C13orf42: variants seen among roughly 807,000 people sequenced by gnomAD.
The protein encoded by C13orf42 is uncharacterized protein C13orf42.
chr13:51,153,190 G>C (rs567688954), intron 1 of C13orf42, among the ~76,000 whole-genome samples: 28 of 152,250 alleles, frequency 1.8e-4, no homozygotes, highest in Admixed American at 1.7e-3. Flanking sequence ...CCCTAGCAAG[G>C]GTTCTTCAAC....
At chr13:51,098,819 C>T (rs775318470) in intron 1 of C13orf42, among the ~76,000 whole-genome samples, 8 of 151,786 alleles carry the variant, frequency 5.3e-5, no homozygotes, top group African/African-American at 1.7e-4. Context: ...GTATGAACAT[C>T]GAGCATCTAT....
chr13:51,119,082 A>C (rs565925797), intron 1 of C13orf42, among the ~76,000 whole-genome samples: 1 of 150,880 alleles, frequency 6.6e-6, no homozygotes, highest in South Asian at 2.1e-4. Flanking sequence ...TGGTGTGCCC[A>C]GGTGTATGGC....
chr13:51,111,893 C>T (rs562300805), upstream of C13orf42, among the ~76,000 whole-genome samples: 3 of 149,592 alleles, frequency 2.0e-5, no homozygotes, highest in South Asian at 4.3e-4. Flanking sequence ...CGGTAATGGA[C>T]CTCACAGCCG....
rs1593537752 is a variant in C13orf42 at position 51,110,966 on chromosome 13, T to G, written c.244A>C (p.Thr82Pro). 1 of 398,640 alleles carries G rather than the reference T, an allele frequency of 2.5e-6. No individual in the cohort carries two copies. The highest frequency in any genetic ancestry group is 4.4e-6 in the Non-Finnish European group (1 of 226,098). The allele number at this position is 398,640 out of a possible 1,614,324, so 24.7% of individuals were successfully genotyped here. ...EEDRAWMYSR[T>P]QDCLQYLQEL... Reference sequence around the variant, plus strand: ...TGCAGGTACTGCAGGCAGTCCTGGGTGCGCGAATACATCCACGCCCGGTCC... The same window carrying G: ...TGCAGGTACTGCAGGCAGTCCTGGGGGCGCGAATACATCCACGCCCGGTCC... The change falls in exon 1 of 4, where the codon ACC becomes CCC. Residue 82 changes from threonine to proline, a missense_variant. By Grantham distance (38) the Thr-to-Pro change is conservative (BLOSUM62 -1). Coordinates refer to ENST00000563710, the MANE Select transcript of C13orf42 (RefSeq NM_001351589.3).
intron 1 of C13orf42, among the ~76,000 whole-genome samples, chr13:51,168,761 G>A (rs1238731013): frequency 6.6e-6 from 1 of 152,192 alleles, no homozygotes; most frequent in Non-Finnish European, 1.5e-5. Context: ...GGTCAGGTGG[G>A]AGGTGATTGG....
chr13:51,125,237 T>C (rs576260948), intron 1 of C13orf42, among the ~76,000 whole-genome samples: 3 of 152,320 alleles, frequency 2.0e-5, no homozygotes, highest in Admixed American at 6.5e-5. Flanking sequence ...TGCAGGAAGA[T>C]TGGCAAACGT....
intron 1 of C13orf42, among the ~76,000 whole-genome samples, chr13:51,106,899 C>T (rs937062590): frequency 2.6e-5 from 4 of 152,222 alleles, no homozygotes; most frequent in Non-Finnish European, 4.4e-5. Context: ...AACACTGACA[C>T]AAAAACCCTC....
chr13:51,115,881 G>A (rs1440020614), upstream of C13orf42, among the ~76,000 whole-genome samples: 1 of 152,112 alleles, frequency 6.6e-6, no homozygotes, highest in Admixed American at 6.5e-5. Flanking sequence ...ATTTTCCCTG[G>A]AGACCAGCTT....
chr13:51,090,817 CTTG>C (rs1953173896), intron 1 of C13orf42, among the ~76,000 whole-genome samples: 2 of 152,238 alleles, frequency 1.3e-5, no homozygotes, highest in East Asian at 3.9e-4. Context: ...TGAATGTTGT[CTTG>C]TTGTGAATCT....
intron 1 of C13orf42, among the ~76,000 whole-genome samples, chr13:51,138,118 C>T (rs981997533): frequency 6.6e-6 from 1 of 152,142 alleles, no homozygotes; most frequent in African/African-American, 2.4e-5. Context: ...GAGGGCAGGC[C>T]CTGGCGAGGA....
intron 1 of C13orf42, among the ~76,000 whole-genome samples, chr13:51,130,035 G>A (rs1953604692): frequency 6.6e-6 from 1 of 152,152 alleles, no homozygotes; most frequent in Non-Finnish European, 1.5e-5. Context: ...CTGTGTATTT[G>A]TATGTGTTGT....
intron 1 of C13orf42, among the ~76,000 whole-genome samples, chr13:51,103,273 G>C (rs1462525310): frequency 1.3e-5 from 2 of 152,074 alleles, no homozygotes; most frequent in East Asian, 3.9e-4. Flanking sequence ...CTGTTTCTCT[G>C]GCCCTAAAAG....
At chr13:51,162,534 CTA>C (rs1953874464) in intron 1 of C13orf42, among the ~76,000 whole-genome samples, 1 of 152,122 alleles carries the variant, frequency 6.6e-6, no homozygotes, top group Admixed American at 6.5e-5. Flanking sequence ...TTTAGTTTGT[CTA>C]TTTTATTTTT....
intron 1 of C13orf42, among the ~76,000 whole-genome samples, chr13:51,107,636 A>G (rs1953373713): frequency 1.3e-5 from 2 of 152,224 alleles, no homozygotes; most frequent in African/African-American, 4.8e-5. Flanking sequence ...CTCCCTCCCT[A>G]TATGGAGGCC....
upstream of C13orf42, among the ~76,000 whole-genome samples, chr13:51,114,360 T>C (rs1953465060): frequency 6.6e-6 from 1 of 152,224 alleles, no homozygotes; most frequent in African/African-American, 2.4e-5. Context: ...AATGAGATAC[T>C]ATATCCTTTG....
intron 1 of C13orf42, among the ~76,000 whole-genome samples, chr13:51,171,661 G>C (rs972707367): frequency 1.4e-4 from 21 of 152,198 alleles, no homozygotes; most frequent in South Asian, 2.1e-4. Context: ...GTTTCGTTCG[G>C]TGACTAGCCC....
chr13:51,160,882 A>T (rs1953859134), intron 1 of C13orf42, among the ~76,000 whole-genome samples: 1 of 151,624 alleles, frequency 6.6e-6, no homozygotes, highest in Non-Finnish European at 1.5e-5. Context: ...ACCTGTGACC[A>T]GCACCTCTAG....
intron 1 of C13orf42, among the ~76,000 whole-genome samples, chr13:51,123,558 A>C (rs776367479): frequency 6.6e-6 from 1 of 152,184 alleles, no homozygotes; most frequent in Non-Finnish European, 1.5e-5. Flanking sequence ...ACAGCCCTAA[A>C]AATGCCTGTG....
At chr13:51,130,863 ATAT>A (rs1446280337) in intron 1 of C13orf42, among the ~76,000 whole-genome samples, 3 of 142,184 alleles carry the variant, frequency 2.1e-5, no homozygotes, top group African/African-American at 2.5e-5. Context: ...TAAAAAAAAA[ATAT>A]ATATATATAT....
Sources: gnomAD v4.1 joint callset for allele counts (sites outside exome capture counted in the v4.1 genomes callset) on GRCh38, gnomAD v4.1.1 for gene constraint, MANE v1.5 for transcripts, NCBI Gene and HGNC (gene_info 2026-07-23, HGNC 2026-07-21) for gene names.